The following SNX25 variants were observed in gnomAD, a reference collection of about 807,000 sequenced individuals.
SNX25 encodes the protein sorting nexin-25.
Under a neutral mutation model 113.7 loss-of-function variants are expected in SNX25, and 62 were observed. The observed-to-expected ratio is 0.55, with a 90% confidence interval of 0.44 to 0.67. The LOEUF is 0.67. Among genes scored for constraint, SNX25 ranks in the 30% least tolerant of loss-of-function variants. The pLI is 0.00. For missense variants in SNX25, 1,014 were observed against 1,161.0 expected (o/e 0.87, Z 1.84); for synonymous variants, 421 against 436.2 (o/e 0.97, Z 0.43).
In SNX25 at chr4:185,363,326, T is replaced by G; in HGVS notation, c.2935-59T>G. On this transcript the variant is annotated intron_variant, in intron 18 of 18. Transcript: ENST00000652585. The surrounding 1 kb of genome is among the most constrained non-coding windows in gnomAD (Gnocchi z 4.2). ...TTTTCTCTTAGATGCAGATATTTAT[T>G]TTGAATAAACCCTTGGAGAAAAACA... The G allele has an allele frequency of 6.5e-7, 1 of 1,544,804 alleles. No individual in the cohort carries two copies. The highest frequency in any genetic ancestry group is 1.8e-5 in the Admixed American group (1 of 56,674).
At chr4:185,367,666 G>A (rs1345295500), downstream of SNX25, among the ~76,000 whole-genome samples, 1 of 152,012 alleles carries the variant, frequency 6.6e-6, no homozygotes. Context: ...TAGTGACAAG[G>A]TGCATAATTT....
intron 9 of SNX25, 139 bp downstream of exon 9, chr4:185,323,939 C>T (rs2095138218): frequency 1.2e-6 from 1 of 866,514 alleles, no homozygotes; most frequent in Non-Finnish European, 1.7e-6. Context: ...ATAAAAGTAG[C>T]ATCGTTTAAT....
At chr4:185,341,123 A>G (rs1356321446) in intron 11 of SNX25, among the ~76,000 whole-genome samples, 52 of 152,202 alleles carry the variant, frequency 3.4e-4, no homozygotes. Context: ...ATGCTAATTC[A>G]AGCTCAAATT....
intron 3 of SNX25, among the ~76,000 whole-genome samples, chr4:185,261,241 G>A (rs561520799): frequency 5.9e-5 from 9 of 151,806 alleles, no homozygotes; most frequent in Non-Finnish European, 1.2e-4. Context: ...GCAGTGGTGC[G>A]ATCTTGGCTC....
intron 6 of SNX25, among the ~76,000 whole-genome samples, chr4:185,308,819 ACT>A (rs1754849662): frequency 6.6e-6 from 1 of 151,756 alleles, no homozygotes; most frequent in African/African-American, 2.4e-5. Context: ...TGTCTCACAC[ACT>A]CCCATGATGT....
chr4:185,214,394 CAA>C (rs60179052), intron 1 of SNX25, among the ~76,000 whole-genome samples: 59,830 of 122,136 alleles, frequency 0.49, 14,556 homozygotes, highest in East Asian at 0.74. Flanking sequence ...CCATCTCTAC[CAA>C]AAAAAAAAAA....
chr4:185,329,309 T>C (rs921988039), intron 9 of SNX25, among the ~76,000 whole-genome samples: 2 of 152,104 alleles, frequency 1.3e-5, no homozygotes, highest in East Asian at 3.9e-4. Context: ...GGTTAGGTTG[T>C]GAAGGAGACA....
intron 3 of SNX25, among the ~76,000 whole-genome samples, chr4:185,260,225 TAAAAG>T (rs1747098798): frequency 7.0e-6 from 1 of 143,556 alleles, no homozygotes; most frequent in Non-Finnish European, 1.6e-5. Context: ...TTTTCTTACT[TAAAAG>T]AAAGTAAAAC....
intron 13 of SNX25, among the ~76,000 whole-genome samples, chr4:185,350,224 T>A (rs1327842805): frequency 6.6e-6 from 1 of 152,150 alleles, no homozygotes; most frequent in Non-Finnish European, 1.5e-5. Flanking sequence ...GTTCGTCAGG[T>A]CATTAGCCAT....
chr4:185,367,819 T>C (rs1469358263), downstream of SNX25, among the ~76,000 whole-genome samples: 3 of 152,264 alleles, frequency 2.0e-5, no homozygotes, highest in East Asian at 3.9e-4. Flanking sequence ...ATTCTACATA[T>C]GTAGAAGTTT....
chr4:185,375,398 G>A, the SNX25 span, among the ~76,000 whole-genome samples: 6 of 136,614 alleles, frequency 4.4e-5, no homozygotes, highest in African/African-American at 1.6e-4. Context: ...AGAGGTTGCA[G>A]TGAGCCGAGG....
chr4:185,335,874 A>G (rs893505090), intron 10 of SNX25, among the ~76,000 whole-genome samples: 1 of 152,192 alleles, frequency 6.6e-6, no homozygotes, highest in African/African-American at 2.4e-5. Context: ...ATTAAAACAG[A>G]CATGAAAATA....
intron 1 of SNX25, among the ~76,000 whole-genome samples, chr4:185,228,243 T>G (rs1741309904): frequency 6.6e-6 from 1 of 152,116 alleles, no homozygotes; most frequent in African/African-American, 2.4e-5. Flanking sequence ...GAGAGATATT[T>G]AAGCACATTT....
At chr4:185,303,658 C>CAAAAAA (rs34378168) in intron 6 of SNX25, among the ~76,000 whole-genome samples, 3 of 50,890 alleles carry the variant, frequency 5.9e-5, no homozygotes, top group Admixed American at 1.9e-4. Context: ...GACTCTGTCT[C>CAAAAAA]AAAAAAAAAA....
intron 1 of SNX25, among the ~76,000 whole-genome samples, chr4:185,246,561 TTTTC>T (rs748061779): frequency 2.6e-5 from 4 of 152,196 alleles, no homozygotes; most frequent in Non-Finnish European, 4.4e-5. Flanking sequence ...ACTTCTTTGG[TTTTC>T]TTTTGAGTTA....
chr4:185,318,149 C>T (rs1156799486), intron 7 of SNX25, among the ~76,000 whole-genome samples: 1 of 152,088 alleles, frequency 6.6e-6, no homozygotes, highest in Non-Finnish European at 1.5e-5. Flanking sequence ...ATGGTATGCA[C>T]TTGATTTTAG....
At chr4:185,209,566 C>T (rs1737390605), upstream of SNX25, 5 of 253,402 alleles carry the variant, frequency 2.0e-5, no homozygotes, top group Non-Finnish European at 3.1e-5. This position sits in a 1 kb window ranked among gnomAD's most constrained non-coding sequence, Gnocchi z 5.2. Context: ...CAGGGCGGCC[C>T]CGCCCCGCCC....
chr4:185,318,928 A>G (rs1390352640), intron 7 of SNX25, among the ~76,000 whole-genome samples: 1 of 152,124 alleles, frequency 6.6e-6, no homozygotes, highest in Non-Finnish European at 1.5e-5. Flanking sequence ...AGAAGGTTCA[A>G]TATCTCCACA....
intron 15 of SNX25, among the ~76,000 whole-genome samples, chr4:185,356,996 C>T (rs906267102): frequency 9.9e-5 from 15 of 152,228 alleles, no homozygotes; most frequent in African/African-American, 1.4e-4. Context: ...TTCTCACACA[C>T]GGGGAAAGAC....
Sources: gnomAD v4.1 joint callset for allele counts (sites outside exome capture counted in the v4.1 genomes callset) on GRCh38, gnomAD v4.1.1 for gene constraint, Gnocchi (gnomAD v3.1) non-coding constraint, MANE v1.5 for transcripts, NCBI Gene and HGNC (gene_info 2026-07-23, HGNC 2026-07-21) for gene names.